The following GPM6A variants were observed in gnomAD, a reference collection of about 807,000 sequenced individuals.
GPM6A encodes neuronal membrane glycoprotein M6-a.
In GPM6A, 7 loss-of-function variants were observed where a neutral mutation model predicts 32.1. The ratio of observed to expected loss-of-function variants is 0.22; its 90% CI spans 0.12 to 0.41. The LOEUF is 0.41. Among genes scored for constraint, GPM6A ranks in the 10% least tolerant of loss-of-function variants. The probability of loss-of-function intolerance (pLI) is 1.00; values close to 1 mark genes in which losing one functional copy is unlikely to be tolerated. For missense variants in GPM6A, 235 were observed against 347.2 expected (o/e 0.68, Z 2.57); for synonymous variants, 130 against 123.4 (o/e 1.05, Z -0.35).
chr4:175,948,230 C>A (rs1225635621), intron 1 of GPM6A, among the ~76,000 whole-genome samples: 2 of 152,142 alleles, frequency 1.3e-5, no homozygotes, highest in Non-Finnish European at 1.5e-5. Context: ...GAAATCCTAA[C>A]CCTCAAAGTG....
At chr4:175,714,559 TCAATGCATTGCCTG>T (rs1308416047) in intron 1 of GPM6A, among the ~76,000 whole-genome samples, 1 of 136,390 alleles carries the variant, frequency 7.3e-6, no homozygotes, top group Non-Finnish European at 1.6e-5. Flanking sequence ...ACCAAGACTT[TCAATGCATTGCCTG>T]GTGTGGTCTC....
intron 1 of GPM6A, among the ~76,000 whole-genome samples, chr4:175,911,686 C>T (rs772757097): frequency 9.2e-5 from 14 of 152,078 alleles, no homozygotes; most frequent in Non-Finnish European, 1.5e-4. Flanking sequence ...ATTCTGACAG[C>T]AGGGAAATTA....
intron 1 of GPM6A, among the ~76,000 whole-genome samples, chr4:175,730,754 G>T (rs1384594231): frequency 6.6e-6 from 1 of 152,138 alleles, no homozygotes; most frequent in African/African-American, 2.4e-5. Context: ...GATTCCAGGT[G>T]TGAGCCACCG....
In GPM6A at chr4:175,745,583, T is replaced by C. The variant is rs1732070232; in HGVS notation, c.38-43816A>G. ...TACTTGGCAGGGAGGCTGCCAAGTC[T>C]TCCAACCAGGATGACACAAATGTGT... is the stretch of plus-strand genomic sequence containing the variant. On this transcript the variant is annotated intron_variant, in intron 1 of 6. Transcript: ENST00000393658. Among the ~76,000 whole-genome samples, 3 of 152,282 alleles carry C rather than the reference T, an allele frequency of 2.0e-5. No individual in the cohort carries two copies. In the South Asian group the frequency reaches 6.2e-4, roughly 32 times the overall value.
chr4:175,657,686 T>A (rs530932230), intron 3 of GPM6A, among the ~76,000 whole-genome samples: 1 of 152,184 alleles, frequency 6.6e-6, no homozygotes, highest in East Asian at 1.9e-4. Flanking sequence ...TTGTCACTAC[T>A]GAACTTGAGG....
At chr4:175,918,882 TCTG>T (rs911224274) in intron 1 of GPM6A, among the ~76,000 whole-genome samples, 92 of 152,210 alleles carry the variant, frequency 6.0e-4, no homozygotes, top group African/African-American at 2.1e-3. Context: ...TTATGATTTG[TCTG>T]CTTATATCCT....
At chr4:175,681,147 CAT>C (rs1743661302) in intron 2 of GPM6A, among the ~76,000 whole-genome samples, 1 of 152,146 alleles carries the variant, frequency 6.6e-6, no homozygotes, top group Non-Finnish European at 1.5e-5. Flanking sequence ...AAATTAAAGA[CAT>C]ATGTAGTTTT....
intron 2 of GPM6A, among the ~76,000 whole-genome samples, chr4:175,694,235 T>C (rs1744448349): frequency 6.6e-6 from 1 of 152,170 alleles, no homozygotes; most frequent in South Asian, 2.1e-4. Flanking sequence ...GGCATTGCTA[T>C]AAAGATACCT....
intron 1 of GPM6A, among the ~76,000 whole-genome samples, chr4:175,914,483 C>G (rs1179269851): frequency 6.6e-6 from 1 of 152,064 alleles, no homozygotes; most frequent in African/African-American, 2.4e-5. Flanking sequence ...CCACCACGAC[C>G]AGTTAATTTT....
chr4:175,821,768 T>G lies in GPM6A; in HGVS notation c.-22-9519A>C, dbSNP rs377296426. Among the ~76,000 whole-genome samples, 24 of 152,184 alleles carry G rather than the reference T, an allele frequency of 1.6e-4. No individual in the cohort carries two copies. The East Asian group carries it at 3.9e-3, about 24-fold the overall frequency. On this transcript the variant is annotated intron_variant, in intron 1 of 7. Transcript: ENST00000280187. Reference sequence around the variant, plus strand: ...TTTTGACTGAAGCAAAGGAACACATTATTGGATTTTAAAAATCAGTCCTAT... The same window carrying G: ...TTTTGACTGAAGCAAAGGAACACATGATTGGATTTTAAAAATCAGTCCTAT...
chr4:175,850,325 C>T (rs1214279567), intron 1 of GPM6A, among the ~76,000 whole-genome samples: 1 of 152,028 alleles, frequency 6.6e-6, no homozygotes, highest in East Asian at 1.9e-4. Flanking sequence ...AATGGAAATG[C>T]AAGACAGAGG....
At chr4:175,647,904 G>C (rs746688132) in intron 4 of GPM6A, among the ~76,000 whole-genome samples, 1 of 152,028 alleles carries the variant, frequency 6.6e-6, no homozygotes, top group African/African-American at 2.4e-5. Context: ...TTTATATTAA[G>C]AGCTAAACAG....
chr4:175,919,279 TA>T (rs1738593654), intron 1 of GPM6A, among the ~76,000 whole-genome samples: 1 of 152,126 alleles, frequency 6.6e-6, no homozygotes, highest in African/African-American at 2.4e-5. Context: ...GAGGTACTTC[TA>T]AAAATTCTGT....
At chr4:175,908,807 G>A (rs1358514307) in intron 1 of GPM6A, among the ~76,000 whole-genome samples, 1 of 152,034 alleles carries the variant, frequency 6.6e-6, no homozygotes, top group East Asian at 1.9e-4. Flanking sequence ...AAATAAATTT[G>A]TTATGAACCA....
chr4:175,783,652 A>G (rs1049056467), intron 1 of GPM6A, among the ~76,000 whole-genome samples: 1 of 151,968 alleles, frequency 6.6e-6, no homozygotes, highest in Non-Finnish European at 1.5e-5. Flanking sequence ...AATGTTTTAT[A>G]CTTTAATTGG....
At chr4:175,878,895 G>C (rs1297970979) in intron 1 of GPM6A, among the ~76,000 whole-genome samples, 2 of 152,028 alleles carry the variant, frequency 1.3e-5, no homozygotes, top group Non-Finnish European at 2.9e-5. Flanking sequence ...CCATATCTTT[G>C]TGATTACAAA....
chr4:175,720,001 T>C (rs1017031683), intron 1 of GPM6A, among the ~76,000 whole-genome samples: 3 of 152,202 alleles, frequency 2.0e-5, no homozygotes, highest in African/African-American at 7.2e-5. Context: ...TTGTTGCTTC[T>C]ATTACAATCT....
chr4:175,812,301 GTTT>G, upstream of GPM6A: 11 of 793,060 alleles, frequency 1.4e-5, 2 homozygotes, highest in East Asian at 4.4e-4. Context: ...AAAACTGGGG[GTTT>G]TTTTTTTTTT....
chr4:175,842,180 T>C (rs1368595281), intron 1 of GPM6A, among the ~76,000 whole-genome samples: 1 of 152,178 alleles, frequency 6.6e-6, no homozygotes, highest in Non-Finnish European at 1.5e-5. Context: ...CAGAATTCCT[T>C]TTTCCTATTA....
Sources: allele counts gnomAD v4.1 joint callset (sites outside exome capture counted in the v4.1 genomes callset), GRCh38; gene constraint gnomAD v4.1.1; transcripts MANE v1.5; gene names NCBI Gene and HGNC (gene_info 2026-07-23, HGNC 2026-07-21).